VPS13D: variants seen among roughly 807,000 people sequenced by gnomAD.
VPS13D encodes vacuolar protein sorting 13 homolog D.
A neutral mutation model predicts 461.9 loss-of-function variants in VPS13D; 187 were observed. That is an observed-to-expected ratio of 0.40 (90% CI 0.36 to 0.46). VPS13D has a LOEUF of 0.46. VPS13D is among the 20% of genes least tolerant of loss of function. The pLI is 0.60. For missense variants in VPS13D, 4,711 were observed against 5,364.9 expected, an observed-to-expected ratio of 0.88 and a Z score of 3.81; for synonymous variants, 1,951 against 1,986.3, an observed-to-expected ratio of 0.98 and a Z score of 0.47.
rs746960061 is a variant in VPS13D at position 12,319,598 on chromosome 1, C to A, written c.7516C>A (p.Arg2506Ser). The A allele has an allele frequency of 6.2e-7, 1 of 1,614,168 alleles. No homozygotes were observed. ...CACCTATAAGCCCCGGTTTGTTGAT[C>A]GCCCCTTTTCAGGAAGTTTGTTTGG... ...VLTYKPRFVD[R>S]PFSGSLFGIE... The change falls in exon 32 of 70, where the codon CGC becomes AGC. Residue 2506 changes from arginine (R) to serine (S), a missense_variant. This residue lies in a region of VPS13D where 4,411 missense variants were observed against 4,937.8 expected (regional missense o/e 0.89). Transcript: ENST00000620676.
intron 38 of VPS13D, among the ~76,000 whole-genome samples, chr1:12,334,538 G>A (rs1643404408): frequency 6.6e-6 from 1 of 152,234 alleles, no homozygotes; most frequent in African/African-American, 2.4e-5. Flanking sequence ...AAGCCAAGAT[G>A]GGAAGCTCAT....
intron 52 of VPS13D, among the ~76,000 whole-genome samples, chr1:12,363,907 C>G (rs1475574660): frequency 8.2e-6 from 1 of 121,250 alleles, no homozygotes; most frequent in African/African-American, 3.1e-5. Flanking sequence ...GAGCTCAGAT[C>G]ACGCCACTGC....
At chr1:12,374,899 A>C (rs1644177837) in intron 55 of VPS13D, among the ~76,000 whole-genome samples, 1 of 152,140 alleles carries the variant, frequency 6.6e-6, no homozygotes, top group Admixed American at 6.5e-5. Flanking sequence ...CACCACACCC[A>C]ACTAATTCTT....
chr1:12,324,140 T>A (rs1643117398), intron 35 of VPS13D, among the ~76,000 whole-genome samples: 1 of 152,078 alleles, frequency 6.6e-6, no homozygotes, highest in Non-Finnish European at 1.5e-5. Context: ...AACTCCTGAC[T>A]TCAAGTGATC....
chr1:12,492,650 T>C (rs866510272), intron 67 of VPS13D, among the ~76,000 whole-genome samples: 3 of 152,214 alleles, frequency 2.0e-5, no homozygotes, highest in Admixed American at 6.5e-5. Flanking sequence ...TCCCCCTAGA[T>C]AGATTCTCAA....
intron 36 of VPS13D, among the ~76,000 whole-genome samples, chr1:12,328,936 TA>T (rs1350361079): frequency 6.6e-6 from 1 of 152,204 alleles, no homozygotes; most frequent in African/African-American, 2.4e-5. Context: ...TTCCTTCAGG[TA>T]AAGTTTGCTT....
At position 12,353,551 on chromosome 1, in the gene VPS13D, A is replaced by C. The variant is rs980810773; in HGVS notation, c.9432-423A>C. On this transcript the variant is annotated intron_variant, in intron 46 of 69. Coordinates refer to ENST00000620676, the MANE Select transcript of VPS13D (RefSeq NM_015378.4). ...GCATCTCAAAAAAAAAAAAAAAAAA[A>C]AAAAACCAGACATAAAGAGTAGTAC... Among the ~76,000 whole-genome samples, 7 of 151,378 alleles carry C rather than the reference A, an allele frequency of 4.6e-5. No individual in the cohort carries two copies. The East Asian group carries it at 5.8e-4, about 13-fold the overall frequency.
chr1:12,413,742 G>C (rs1198155421), intron 63 of VPS13D, among the ~76,000 whole-genome samples: 1 of 151,538 alleles, frequency 6.6e-6, no homozygotes, highest in Non-Finnish European at 1.5e-5. Context: ...AAAGTGCTGG[G>C]ATTACAGGCA....
intron 57 of VPS13D, among the ~76,000 whole-genome samples, chr1:12,381,927 TTTC>T (rs776895821): frequency 0.24 from 6,763 of 28,112 alleles, 367 homozygotes; most frequent in Non-Finnish European, 0.3. Context: ...TTTTCTTTTC[TTTC>T]TTTCTTTCTT....
chr1:12,261,812 ACAT>A, intron 12 of VPS13D, 86 bp from the exon 13 acceptor site: 1 of 1,097,364 alleles, frequency 9.1e-7, no homozygotes, highest in Non-Finnish European at 1.3e-6. Context: ...TAGTTAAATA[ACAT>A]CATCATAACT....
intron 35 of VPS13D, among the ~76,000 whole-genome samples, 171 bp from the exon 36 acceptor site, chr1:12,327,468 ACCCCCCACC>A (rs1299157992): frequency 1.9e-3 from 82 of 42,684 alleles, no homozygotes; most frequent in African/African-American, 6.5e-3. Context: ...ATTCCCTCCC[ACCCCCCACC>A]CCCACCACCC....
At position 12,268,861 on chromosome 1, in the gene VPS13D, A is replaced by T; in HGVS notation, c.1957A>T (p.Lys653Ter). The change falls in exon 16 of 70, where the codon AAG becomes TAG. Residue 653 changes from lysine (K) to a stop codon, truncating the protein, a stop_gained. Coordinates refer to ENST00000620676, the MANE Select transcript of VPS13D (RefSeq NM_015378.4). LOFTEE classifies it high-confidence loss of function. ...KKVADFFYKG[K>*]VHTSGFGYQS... ...AGTAGCAGACTTTTTCTACAAGGGA[A>T]AGGTTCATACCTCAGGTTAACTTTT... 1 of 1,612,524 alleles carries T rather than the reference A, an allele frequency of 6.2e-7. No homozygotes were observed. The highest frequency in any genetic ancestry group is 8.5e-7 in the Non-Finnish European group (1 of 1,179,566).
intron 27 of VPS13D, among the ~76,000 whole-genome samples, chr1:12,310,912 C>CCTCCCTCCCTCCCTCT (rs1642729180): frequency 8.4e-6 from 1 of 119,268 alleles, no homozygotes; most frequent in African/African-American, 4.4e-5. Context: ...TCCCTCCTTC[C>CCTCCCTCCCTCCCTCT]CTCCCTCTCT....
At chr1:12,436,661 T>G (rs185135405) in intron 65 of VPS13D, among the ~76,000 whole-genome samples, 2,871 of 151,812 alleles carry the variant, frequency 0.019, 106 homozygotes, top group Admixed American at 0.099. Flanking sequence ...TTTTTGCAAG[T>G]TTTTTTTTGT....
At chr1:12,322,334 A>G (rs184259033) in intron 33 of VPS13D, among the ~76,000 whole-genome samples, 1 of 152,214 alleles carries the variant, frequency 6.6e-6, no homozygotes, top group Admixed American at 6.5e-5. Flanking sequence ...CAGTTTTGTG[A>G]CCATTTGACC....
intron 66 of VPS13D, among the ~76,000 whole-genome samples, chr1:12,458,992 T>G (rs1645367629): frequency 6.6e-6 from 1 of 152,234 alleles, no homozygotes; most frequent in South Asian, 2.1e-4. Flanking sequence ...TCATGAAGGT[T>G]TTATATAATC....
rs1294384211 is a variant in VPS13D at position 12,400,212 on chromosome 1, C to T, written c.11666C>T (p.Pro3889Leu). ...AATCAGCTCATTGGTACCACGCAGC[C>T]CTTCATGCTCTATGTGACTCCCCTG... ...VDNQLIGTTQ[P>L]FMLYVTPLSN... Residue 3889 changes from proline (P) to leucine (L), a missense_variant, in exon 61 of 70, where the codon CCC becomes CTC. Around this residue, in one of 3 missense-constraint regions of VPS13D, gnomAD observed 4,411 missense variants for 4,937.8 expected, o/e 0.89. Coordinates refer to ENST00000620676, the MANE Select transcript of VPS13D (RefSeq NM_015378.4). The T allele has an allele frequency of 1.9e-6, 3 of 1,614,106 alleles. No homozygotes were observed. Among genetic ancestry groups the T allele is most frequent in the South Asian group, 1.1e-5 (1 of 91,082 alleles).
At chr1:12,294,571 T>C (rs1370511707) in intron 24 of VPS13D, among the ~76,000 whole-genome samples, 1 of 152,012 alleles carries the variant, frequency 6.6e-6, no homozygotes, top group Non-Finnish European at 1.5e-5. Flanking sequence ...TCCTAGCACT[T>C]TGGGAGGCCG....
rs1412807666 is a variant in VPS13D, at chr1:12,502,391, T to C, written c.12795-4462T>C. On this transcript the variant is annotated intron_variant, in intron 68 of 69. Transcript: ENST00000620676. This position sits in a 1 kb window ranked among gnomAD's most constrained non-coding sequence, Gnocchi z 4.3. ...TCGGGCTCCTTGCCTGTCTGGTTGA[T>C]GAGGCTGGGGGTGCTGAAGAGCAAG... 1.3e-5 allele frequency among the ~76,000 whole-genome samples: 2 copies of C among 151,978 alleles called. No individual in the cohort carries two copies. Among genetic ancestry groups the C allele is most frequent in the South Asian group, 2.1e-4 (1 of 4,820 alleles).
Sources: allele counts gnomAD v4.1 joint callset (sites outside exome capture counted in the v4.1 genomes callset), GRCh38; gene constraint gnomAD v4.1.1; regional missense constraint gnomAD v4.1.1; non-coding constraint Gnocchi (gnomAD v3.1); transcripts MANE v1.5; gene names NCBI Gene and HGNC (gene_info 2026-07-23, HGNC 2026-07-21).